PIK3C3: variants seen among roughly 807,000 people sequenced by gnomAD.
PIK3C3 encodes the protein phosphatidylinositol 3-kinase catalytic subunit type 3.
A neutral mutation model predicts 126.1 loss-of-function variants in PIK3C3; 95 were observed. The observed-to-expected ratio is 0.75, with a 90% CI of 0.64 to 0.89. PIK3C3 has a LOEUF of 0.89. Among genes scored for constraint, PIK3C3 ranks in the 40% least tolerant of loss-of-function variants. PIK3C3 has a pLI of 0.00. For missense variants in PIK3C3, 829 were observed against 1,063.2 expected (o/e 0.78, Z 3.06); for synonymous variants, 374 against 360.0 (o/e 1.04, Z -0.44).
At chr18:42,068,157 T>G (rs1985619715) in intron 24 of PIK3C3, among the ~76,000 whole-genome samples, 1 of 152,244 alleles carries the variant, frequency 6.6e-6, no homozygotes, top group African/African-American at 2.4e-5. Context: ...AAAGCTTGTC[T>G]GCTTTGAATT....
chr18:42,077,482 A>G lies in PIK3C3; in HGVS notation c.2650-3641A>G, dbSNP rs181111326. 7.5e-4 allele frequency among the ~76,000 whole-genome samples: 114 copies of G among 152,358 alleles called. 1 individual carries two copies. Among genetic ancestry groups the G allele is most frequent in the Admixed American group, 7.4e-3 (113 of 15,308 alleles). On this transcript the variant is annotated intron_variant, in intron 24 of 24. Transcript: ENST00000262039. Reference sequence around the variant, plus strand: ...TAAATCCTTTGTTGTCATTTCAACAATGTTCAAAGCATCTTCACCATGAAT... The same window carrying G: ...TAAATCCTTTGTTGTCATTTCAACAGTGTTCAAAGCATCTTCACCATGAAT...
intron 3 of PIK3C3, among the ~76,000 whole-genome samples, chr18:41,966,177 CTTTTT>C (rs10539758): frequency 8.9e-6 from 1 of 112,574 alleles, no homozygotes. Context: ...TATATTGTTC[CTTTTT>C]TTTTTTTTTT....
intron 23 of PIK3C3, among the ~76,000 whole-genome samples, chr18:42,065,060 T>C (rs948536409): frequency 6.6e-6 from 1 of 152,146 alleles, no homozygotes; most frequent in Non-Finnish European, 1.5e-5. Flanking sequence ...GAGCAGAGTT[T>C]TCAGCTATTG....
chr18:41,993,992 C>T (rs1032089004), intron 7 of PIK3C3, among the ~76,000 whole-genome samples: 3 of 152,110 alleles, frequency 2.0e-5, no homozygotes, highest in African/African-American at 7.2e-5. Flanking sequence ...ATGATTTTTG[C>T]AGTTACAGCT....
intron 10 of PIK3C3, among the ~76,000 whole-genome samples, chr18:42,007,958 C>T (rs2144391252): frequency 6.6e-6 from 1 of 152,138 alleles, no homozygotes; most frequent in South Asian, 2.1e-4. Flanking sequence ...AAAGTTTCTC[C>T]CTGTCTCTGT....
intron 7 of PIK3C3, among the ~76,000 whole-genome samples, chr18:41,994,780 T>C (rs1598878407): frequency 6.6e-6 from 1 of 152,138 alleles, no homozygotes; most frequent in African/African-American, 2.4e-5. Flanking sequence ...CTCATGCTTG[T>C]AATCTTAACA....
At chr18:42,005,131 G>A (rs1982481391) in intron 10 of PIK3C3, among the ~76,000 whole-genome samples, 1 of 152,138 alleles carries the variant, frequency 6.6e-6, no homozygotes, top group Admixed American at 6.6e-5. Flanking sequence ...TTAATGACAG[G>A]GAAGTGTTCT....
intron 21 of PIK3C3, among the ~76,000 whole-genome samples, chr18:42,057,272 T>C (rs541982441): frequency 1.8e-5 from 2 of 111,384 alleles, no homozygotes; most frequent in African/African-American, 9.6e-5. Context: ...ATTTATACTA[T>C]ACATTACTCT....
intron 20 of PIK3C3, among the ~76,000 whole-genome samples, chr18:42,049,079 A>C (rs1421124679): frequency 1.3e-5 from 2 of 152,028 alleles, no homozygotes; most frequent in Non-Finnish European, 2.9e-5. Context: ...TTACCACTCA[A>C]ATGAATGCAT....
intron 4 of PIK3C3, among the ~76,000 whole-genome samples, chr18:41,986,790 A>G (rs572440417): frequency 6.6e-6 from 1 of 152,246 alleles, no homozygotes; most frequent in East Asian, 1.9e-4. Context: ...ATTACCTCAC[A>G]TGAAAGGGAA....
In PIK3C3 at chr18:42,086,265, A is replaced by G. The variant is rs972646482; in HGVS notation, c.*5128A>G. On this transcript the variant is annotated 3_prime_UTR_variant, in exon 25 of 25. Coordinates refer to ENST00000262039, the MANE Select transcript of PIK3C3 (RefSeq NM_002647.4). The stretch of plus-strand genomic sequence containing the variant: ...ACCTCAGTTTATGTCTGTCACCACA[A>G]GAAACCCAGACCTCCCTAATCATAC... The G allele has an allele frequency of 1.3e-5, 2 of 152,282 alleles. No individual in the cohort carries two copies. The highest frequency in any genetic ancestry group is 4.8e-5 in the African/African-American group (2 of 41,452). The allele number at this position is 152,282 out of a possible 1,614,324, so 9.4% of individuals were successfully genotyped here.
intron 20 of PIK3C3, among the ~76,000 whole-genome samples, chr18:42,047,656 T>C (rs528402168): frequency 6.6e-6 from 1 of 152,322 alleles, no homozygotes; most frequent in African/African-American, 2.4e-5. Flanking sequence ...GTGATTCTTA[T>C]GTTCATCAAT....
intron 24 of PIK3C3, among the ~76,000 whole-genome samples, chr18:42,079,373 T>G (rs1402001378): frequency 6.6e-6 from 1 of 152,206 alleles, no homozygotes; most frequent in East Asian, 1.9e-4. Context: ...CAGACACGGT[T>G]CGTGGTGCCC....
At chr18:42,078,301 C>T (rs533308791) in intron 24 of PIK3C3, among the ~76,000 whole-genome samples, 21 of 145,304 alleles carry the variant, frequency 1.4e-4, no homozygotes, top group Admixed American at 1.2e-3. Context: ...GGCGTGAACC[C>T]GGGAAGCGGA....
intron 9 of PIK3C3, among the ~76,000 whole-genome samples, chr18:42,003,583 T>C (rs570144061): frequency 6.6e-6 from 1 of 152,242 alleles, no homozygotes; most frequent in Admixed American, 6.5e-5. Context: ...GGCCAAGAAG[T>C]GTGTACCTTT....
In PIK3C3 at chr18:41,990,517, GTGA is replaced by G. The variant is rs753597992; in HGVS notation, c.682_684del (p.Asp228del). ...ATGGTTGAATTTCGATGTGTCAAGT[GTGA>G]TGATAAGGAATATGGTATTGTTTAT... On this transcript the variant is annotated inframe_deletion, in exon 6 of 25. Transcript: ENST00000262039. The G allele has an allele frequency of 1.2e-6, 2 of 1,602,468 alleles. No individual in the cohort carries two copies. The highest frequency in any genetic ancestry group is 1.7e-6 in the Non-Finnish European group (2 of 1,170,200).
At chr18:42,004,621 G>T (rs1175461990) in intron 10 of PIK3C3, 80 bp downstream of exon 10, 5 of 1,065,832 alleles carry the variant, frequency 4.7e-6, no homozygotes, top group Non-Finnish European at 6.7e-6. Flanking sequence ...GTATGTGTGT[G>T]TGAGAGTGAG....
chr18:41,960,852 C>G (rs1421440571), intron 2 of PIK3C3, among the ~76,000 whole-genome samples: 1 of 151,960 alleles, frequency 6.6e-6, no homozygotes, highest in African/African-American at 2.4e-5. Context: ...AAGCAATCTC[C>G]TGCCTCAGCC....
In PIK3C3 at chr18:42,085,571, T is replaced by C. The variant is rs1222430077; in HGVS notation, c.*4434T>C. 1 of 152,234 alleles carries C rather than the reference T, an allele frequency of 6.6e-6. No homozygotes were observed. Among genetic ancestry groups the C allele is most frequent in the Non-Finnish European group, 1.5e-5 (1 of 68,046 alleles). The allele number at this position is 152,234 out of a possible 1,614,324, so 9.4% of individuals were successfully genotyped here. On this transcript the variant is annotated 3_prime_UTR_variant, in exon 25 of 25. Coordinates refer to ENST00000262039, the MANE Select transcript of PIK3C3 (RefSeq NM_002647.4). ...AAGAAAATGAGTCTAGTGGACCCACTGCATAGTGTAACTTTGGGATGAATT... is the reference window on the plus strand; with the variant it reads ...AAGAAAATGAGTCTAGTGGACCCACCGCATAGTGTAACTTTGGGATGAATT...
Sources: gnomAD v4.1 joint callset for allele counts (sites outside exome capture counted in the v4.1 genomes callset) on GRCh38, gnomAD v4.1.1 for gene constraint, MANE v1.5 for transcripts, NCBI Gene and HGNC (gene_info 2026-07-23, HGNC 2026-07-21) for gene names.